The following PLXNA4 variants were observed in gnomAD, a reference collection of about 807,000 sequenced individuals.
PLXNA4 encodes plexin A4.
Under a neutral mutation model 191.8 loss-of-function variants are expected in PLXNA4, and 44 were observed. That is an observed-to-expected ratio of 0.23 (90% confidence interval 0.18 to 0.29). PLXNA4 has a LOEUF of 0.29. Ranked by LOEUF, PLXNA4 falls within the 10% of genes least tolerant of loss-of-function variation. The probability of loss-of-function intolerance (pLI) is 1.00; values close to 1 mark genes in which losing one functional copy is unlikely to be tolerated. For synonymous variants in PLXNA4, 1,082 were observed against 1,009.5 expected (o/e 1.07, Z -1.36); for missense variants, 1,800 against 2,488.8 (o/e 0.72, Z 5.89).
intron 3 of PLXNA4, among the ~76,000 whole-genome samples, chr7:132,397,744 T>C (rs553033695): frequency 2.4e-4 from 36 of 152,356 alleles, no homozygotes; most frequent in South Asian, 8.3e-4. Flanking sequence ...AAGGCCATCA[T>C]GGTCATCATT....
chr7:132,219,280 T>G (rs1180954706), intron 9 of PLXNA4, among the ~76,000 whole-genome samples: 4 of 152,182 alleles, frequency 2.6e-5, no homozygotes, highest in Non-Finnish European at 5.9e-5. Context: ...GTCACCCTGT[T>G]AGGTAAAGGT....
intron 2 of PLXNA4, among the ~76,000 whole-genome samples, chr7:132,628,972 G>A (rs951082357): frequency 6.6e-6 from 1 of 152,160 alleles, no homozygotes; most frequent in Non-Finnish European, 1.5e-5. Context: ...GTCCTTGGCT[G>A]TCTATTTATA....
rs146716334 is a variant in PLXNA4 at position 132,350,099 on chromosome 7, A to T, written c.1372-51877T>A. ...TTCACAAATCCAGAAGTTAAGATTC[A>T]GATAAGTAAGGGGTTCAAGATGATC... is the stretch of plus-strand genomic sequence containing the variant. On this transcript the variant is annotated intron_variant, in intron 3 of 31. Coordinates refer to ENST00000321063, the MANE Select transcript of PLXNA4 (RefSeq NM_020911.2). Among the ~76,000 whole-genome samples, 143 of 152,330 alleles carry T rather than the reference A, an allele frequency of 9.4e-4. 2 individuals carry two copies. Among genetic ancestry groups the T allele is most frequent in the Admixed American group, 8.8e-3 (134 of 15,304 alleles).
In PLXNA4 at chr7:132,436,712, C is replaced by T. The variant is rs946942654; in HGVS notation, c.1371+52580G>A. ...CCAAGAGACAAGGAAGACCCAAAATCAGCATAGGACAGAGATAGTGAAAAG... is the reference window on the plus strand; with the variant it reads ...CCAAGAGACAAGGAAGACCCAAAATTAGCATAGGACAGAGATAGTGAAAAG... On this transcript the variant is annotated intron_variant, in intron 3 of 31. Transcript: ENST00000321063. Among the ~76,000 whole-genome samples, 3 of 152,178 alleles carry T rather than the reference C, an allele frequency of 2.0e-5. No homozygotes were observed. The East Asian group carries it at 5.8e-4, about 29-fold the overall frequency.
At chr7:132,420,085 G>T (rs555657194) in intron 3 of PLXNA4, among the ~76,000 whole-genome samples, 10 of 152,132 alleles carry the variant, frequency 6.6e-5, no homozygotes, top group Non-Finnish European at 1.0e-4. Context: ...CAAGGCTTCT[G>T]GCATCTACAA....
intron 4 of PLXNA4, among the ~76,000 whole-genome samples, chr7:132,289,801 G>C (rs1055256756): frequency 2.0e-5 from 3 of 151,742 alleles, no homozygotes. Context: ...TCAAAGTGCT[G>C]GGATTATAGG....
chr7:132,393,794 A>G (rs1265870993), intron 3 of PLXNA4, among the ~76,000 whole-genome samples: 1 of 152,126 alleles, frequency 6.6e-6, no homozygotes, highest in East Asian at 1.9e-4. Context: ...TTCAGCCTGG[A>G]TGAAACTAGC....
chr7:132,160,187 G>T (rs1795907123), intron 24 of PLXNA4, among the ~76,000 whole-genome samples: 1 of 152,080 alleles, frequency 6.6e-6, no homozygotes, highest in African/African-American at 2.4e-5. Context: ...TTTTTATGAA[G>T]GTTTCATTCA....
intron 3 of PLXNA4, among the ~76,000 whole-genome samples, chr7:132,459,875 T>C (rs1796438815): frequency 6.6e-6 from 1 of 151,742 alleles, no homozygotes; most frequent in Non-Finnish European, 1.5e-5. Flanking sequence ...TTGACTAAAT[T>C]GTGAAAATAT....
chr7:132,303,188 T>C lies in PLXNA4; in HGVS notation c.1372-4966A>G, dbSNP rs544644641. Among the ~76,000 whole-genome samples the C allele has an allele frequency of 3.3e-5, 5 of 151,958 alleles. No homozygotes were observed. In the East Asian group the frequency reaches 7.7e-4, roughly 24 times the overall value. ...AGGCCCAGCCTAGATTTCTTATTTT[T>C]ACATAGTATAGATACTTGTGGATCA... On this transcript the variant is annotated intron_variant, in intron 3 of 31. Transcript: ENST00000321063.
chr7:132,536,117 G>T (rs1405341093), intron 1 of PLXNA4, among the ~76,000 whole-genome samples: 1 of 152,164 alleles, frequency 6.6e-6, no homozygotes, highest in African/African-American at 2.4e-5. Flanking sequence ...GCATAAAATG[G>T]GGTTATAATA....
At chr7:132,343,963 GA>G (rs1214332269) in intron 3 of PLXNA4, among the ~76,000 whole-genome samples, 1 of 152,178 alleles carries the variant, frequency 6.6e-6, no homozygotes, top group African/African-American at 2.4e-5. Context: ...CTACCTCTCT[GA>G]GAGCAAACAC....
At position 132,127,946 on chromosome 7, in the gene PLXNA4, T is replaced by TTTTC. The variant is rs1165034981; in HGVS notation, c.*2529_*2532dup. 6.6e-6 allele frequency: 1 copy of TTTTC among 151,548 alleles called. No homozygotes were observed. Among genetic ancestry groups the TTTTC allele is most frequent in the Non-Finnish European group, 1.5e-5 (1 of 67,928 alleles). 9.4% of individuals were successfully genotyped at this position (151,548 alleles called of 1,614,324 possible). ...CTTCAGCAGAACCGTGATAAGTCTT[T>TTTTC]TTTCTTTTTTTTTTCTGCTTGTTTG... On this transcript the variant is annotated 3_prime_UTR_variant, in exon 32 of 32. Coordinates refer to ENST00000321063, the MANE Select transcript of PLXNA4 (RefSeq NM_020911.2).
chr7:132,545,594 A>G (rs1410221701), intron 1 of PLXNA4, among the ~76,000 whole-genome samples: 1 of 152,226 alleles, frequency 6.6e-6, no homozygotes, highest in Non-Finnish European at 1.5e-5. Context: ...AACAGCCCCA[A>G]AGAGAATCCT....
chr7:132,584,663 G>T lies in PLXNA4; in HGVS notation c.-87+61265C>A, dbSNP rs74665817. 2.6e-5 allele frequency among the ~76,000 whole-genome samples: 4 copies of T among 152,246 alleles called. No individual in the cohort carries two copies. The East Asian group carries it at 7.7e-4, about 29-fold the overall frequency. ...TGCATATTTTGAATATACAAAATAG[G>T]CTTGTACATACATAGGACATTTTGG... On this transcript the variant is annotated intron_variant, in intron 2 of 4. Transcript: ENST00000378539.
intron 2 of PLXNA4, among the ~76,000 whole-genome samples, chr7:132,499,781 G>A (rs2117600212): frequency 6.6e-6 from 1 of 152,274 alleles, no homozygotes; most frequent in African/African-American, 2.4e-5. Flanking sequence ...TCGGGTCTAG[G>A]TGTGGGTCTG....
Position 132,576,430 on chromosome 7 carries a change from G to T in PLXNA4, c.-95C>A. The T allele has an allele frequency of 1.0e-6, 1 of 985,884 alleles. No individual in the cohort carries two copies. Among genetic ancestry groups the T allele is most frequent in the South Asian group, 4.7e-5 (1 of 21,290 alleles). The allele number at this position is 985,884 out of a possible 1,614,324, so 61.1% of individuals were successfully genotyped here. On this transcript the variant is annotated 5_prime_UTR_variant, in exon 1 of 32. Transcript: ENST00000321063. The surrounding 1 kb of genome is among the most constrained non-coding windows in gnomAD (Gnocchi z 5.8). Reference sequence around the variant, plus strand: ...GCGGGCCGGCTCCTTACCTGGACGCGCCGCGTTTCCCTCCTTCAGCGGGAG... The same window carrying T: ...GCGGGCCGGCTCCTTACCTGGACGCTCCGCGTTTCCCTCCTTCAGCGGGAG...
At chr7:132,505,186 C>T (rs1219516155) in intron 2 of PLXNA4, among the ~76,000 whole-genome samples, 3 of 152,224 alleles carry the variant, frequency 2.0e-5, no homozygotes, top group Middle Eastern at 3.2e-3. Flanking sequence ...TATCTTGCTC[C>T]ATTACTCCCC....
At chr7:132,273,760 T>C (rs1439726600) in intron 4 of PLXNA4, among the ~76,000 whole-genome samples, 1 of 152,044 alleles carries the variant, frequency 6.6e-6, no homozygotes, top group African/African-American at 2.4e-5. Flanking sequence ...CTCTCATCTA[T>C]CTACAAAAAT....
Sources: gnomAD v4.1 joint callset for allele counts (sites outside exome capture counted in the v4.1 genomes callset) on GRCh38, gnomAD v4.1.1 for gene constraint, Gnocchi (gnomAD v3.1) non-coding constraint, MANE v1.5 for transcripts, NCBI Gene and HGNC (gene_info 2026-07-23, HGNC 2026-07-21) for gene names.